The following WDR90 variants were observed in gnomAD, a reference collection of about 807,000 sequenced individuals.
The protein encoded by WDR90 is WD repeat-containing protein 90.
In WDR90, 238 loss-of-function variants were observed where a neutral mutation model predicts 195.2. The observed-to-expected ratio is 1.22, with a 90% confidence interval of 1.10 to 1.36. The LOEUF (loss-of-function observed/expected upper bound fraction) is 1.36. Among genes scored for constraint, WDR90 ranks in the 40% most tolerant of loss-of-function variants. WDR90 has a pLI of 0.00. For synonymous variants in WDR90, 1,265 were observed against 1,052.4 expected (o/e 1.20, Z -3.91); for missense variants, 2,734 against 2,439.5 (o/e 1.12, Z -2.54).
chr16:661,029 G>GT (rs2037898230), intron 28 of WDR90, 22 bp from the exon 29 acceptor site: 1 of 1,078,284 alleles, frequency 9.3e-7, no homozygotes, highest in Admixed American at 3.5e-5. Flanking sequence ...CCGGCCTCAG[G>GT]CCCCGCCCTC....
intron 2 of WDR90, 53 bp from the exon 3 acceptor site, chr16:649,938 C>T (rs1412952629): frequency 1.5e-5 from 24 of 1,606,106 alleles, no homozygotes; most frequent in Non-Finnish European, 2.0e-5. Flanking sequence ...CCCCCTCGCC[C>T]CCGCTGCACT....
At chr16:659,953 C>T (rs2037858760) in intron 26 of WDR90, 105 bp from the exon 27 acceptor site, 1 of 874,378 alleles carries the variant, frequency 1.1e-6, no homozygotes, top group African/African-American at 1.7e-5. Context: ...GTGCAGTTCT[C>T]ACTGTGTGGT....
rs776987486 is a variant in WDR90 at position 661,612 on chromosome 16, G to A, written c.3689G>A (p.Arg1230His). 28 of 1,591,244 alleles carry A rather than the reference G, an allele frequency of 1.8e-5. No individual in the cohort carries two copies. The highest frequency in any genetic ancestry group is 7.9e-5 in the South Asian group (7 of 88,754). ...LLVTLGDHDG[R>H]TLALWGTATY... ...TCCTTCCCAGGGGACCACGATGGCC[G>A]CACCCTCGCCCTGTGGGGCACGGCC... The change falls in exon 31 of 41, where the codon CGC becomes CAC. Residue 1230 changes from arginine (R) to histidine (H), a missense_variant. By Grantham distance (29) the Arg-to-His change is conservative. Transcript: ENST00000293879.
At chr16:649,914 C>T in intron 2 of WDR90, 60 bp downstream of exon 2, 2 of 1,595,716 alleles carry the variant, frequency 1.3e-6, no homozygotes, top group Non-Finnish European at 1.7e-6. Flanking sequence ...GGAGAGCTGC[C>T]CCGCCCCCGA....
intron 23 of WDR90, 102 bp from the exon 24 acceptor site, chr16:658,794 C>A: frequency 6.4e-7 from 1 of 1,555,790 alleles, no homozygotes; most frequent in Non-Finnish European, 8.7e-7. Flanking sequence ...TCTGTGCCTC[C>A]GGGGCCTCAC....
Position 650,105 on chromosome 16 carries a change from T to A in WDR90, c.217T>A (p.Tyr73Asn). ...QSLGLTGRYL[Y>N]VLFRPLPSKH... Reference sequence around the variant, plus strand: ...TCTGGGGCTGACGGGACGATACCTGTATGTGCTCTTTCGGCCCCTGCCCAG... The same window carrying A: ...TCTGGGGCTGACGGGACGATACCTGAATGTGCTCTTTCGGCCCCTGCCCAG... Residue 73 changes from tyrosine to asparagine, a missense_variant, in exon 3 of 41, where the codon TAT becomes AAT. By Grantham distance (143) the Tyr-to-Asn change is moderately radical. Coordinates refer to ENST00000293879, the MANE Select transcript of WDR90 (RefSeq NM_145294.5). 6.2e-7 allele frequency: 1 copy of A among 1,613,080 alleles called. No homozygotes were observed. Among genetic ancestry groups the A allele is most frequent in the Non-Finnish European group, 8.5e-7 (1 of 1,179,964 alleles).
rs192623284 is a variant in WDR90 at position 659,855 on chromosome 16, G to A, written c.3185-203G>A. ...GGTGCCGGTGCAGGGGCCTGAGGAC[G>A]GTCGGTGAGTCCCCCGTGTGACGAG... On this transcript the variant is annotated intron_variant, in intron 26 of 40. Coordinates refer to ENST00000293879, the MANE Select transcript of WDR90 (RefSeq NM_145294.5). 5.4e-4 allele frequency among the ~76,000 whole-genome samples: 82 copies of A among 152,320 alleles called. No homozygotes were observed. In the East Asian group the frequency reaches 0.016, roughly 29 times the overall value.
chr16:661,215 G>A (rs1049504792), intron 29 of WDR90, 43 bp downstream of exon 29: 3 of 1,518,736 alleles, frequency 2.0e-6, no homozygotes, highest in African/African-American at 1.4e-5. Context: ...GGGCCACCGT[G>A]CCCGGCAGAA....
rs376758120 is a variant in WDR90 at position 666,012 on chromosome 16, G to A, written c.4497G>A (p.Ala1499=). The change falls in exon 36 of 41, where the codon GCG becomes GCA. Residue 1499 remains alanine (A), a synonymous_variant. Transcript: ENST00000293879. ...GCCGCCCTGAGCAGCAGCGGCTAGC[G>A]GCTGGCTACGGTGACGGCTCCCTGC... ...CCGRPEQQRL[A]AGYGDGSLRI... 62 of 1,603,742 alleles carry A rather than the reference G, an allele frequency of 3.9e-5. No individual in the cohort carries two copies. Among genetic ancestry groups the A allele is most frequent in the Middle Eastern group, 1.6e-4 (1 of 6,078 alleles).
Position 660,616 on chromosome 16 carries a change from C to T in WDR90, c.3293C>T (p.Thr1098Ile), listed in dbSNP as rs1043773316. The change falls in exon 28 of 41, where the codon ACT (threonine) becomes ATT (isoleucine). Residue 1098 changes from threonine (T) to isoleucine (I), a missense_variant. Physicochemically the swap from Thr to Ile is moderately conservative, Grantham distance 89. Transcript: ENST00000293879. ...TCCGGGTCTCCTTCCTCGCAGGGCACTTGCCCGCCTCCCGCCAGCGGTGGG... is the reference window on the plus strand; with the variant it reads ...TCCGGGTCTCCTTCCTCGCAGGGCATTTGCCCGCCTCCCGCCAGCGGTGGG... ...VSCSPHSAKG[T>I]CPPPASGGWL... 13 of 1,564,990 alleles carry T rather than the reference C, an allele frequency of 8.3e-6. No homozygotes were observed. The highest frequency in any genetic ancestry group is 4.7e-5 in the South Asian group (4 of 85,104).
chr16:664,208 C>T (rs927725118), intron 34 of WDR90, among the ~76,000 whole-genome samples: 22 of 152,242 alleles, frequency 1.4e-4, no homozygotes, highest in South Asian at 4.1e-4. Context: ...AAACCCCGTG[C>T]GTGCCTGTTC....
Position 655,139 on chromosome 16 carries a change from T to A in WDR90, c.1548T>A (p.Asp516Glu). The change falls in exon 14 of 41, where the codon GAT becomes GAA. Residue 516 changes from aspartate (D) to glutamate (E), a missense_variant. Transcript: ENST00000293879. ...AGGCCTTCCGGGTCACCTTTTTTGA[T>A]GAAACCAGGTGATGCAGCCGCCCAT... Reference protein sequence around the residue: ...DVQAFRVTFFDETRMASCGQG... With the variant: ...DVQAFRVTFFEETRMASCGQG... 1 of 1,612,610 alleles carries A rather than the reference T, an allele frequency of 6.2e-7. No homozygotes were observed. The highest frequency in any genetic ancestry group is 8.5e-7 in the Non-Finnish European group (1 of 1,179,734).
At chr16:663,112 T>A in intron 34 of WDR90, 1 of 615,170 alleles carries the variant, frequency 1.6e-6, no homozygotes, top group Middle Eastern at 2.5e-4. Context: ...GTTTTTTTGT[T>A]TGTTTGTTTT....
At position 666,726 on chromosome 16, in the gene WDR90, G is replaced by A. The variant is rs1309500656; in HGVS notation, c.4938G>A (p.Ala1646=). 2.2e-5 allele frequency: 36 copies of A among 1,612,722 alleles called. No homozygotes were observed. Among genetic ancestry groups the A allele is most frequent in the Non-Finnish European group, 2.4e-5 (28 of 1,179,968 alleles). The change falls in exon 39 of 41, where the codon GCG becomes GCA. Residue 1646 remains alanine, a synonymous_variant. Transcript: ENST00000293879. ...SLAAFCPWDG[A]LLMYVGPGVY... ...CTGCCTTCTGCCCTTGGGATGGGGC[G>A]CTCCTGATGTACGTGGGCCCCGGTG...
In WDR90 at chr16:657,829, G is replaced by C; in HGVS notation, c.2541G>C (p.Leu847=). The C allele has an allele frequency of 3.8e-6, 6 of 1,578,272 alleles. No homozygotes were observed. The highest frequency in any genetic ancestry group is 5.2e-6 in the Non-Finnish European group (6 of 1,162,580). The change falls in exon 21 of 41, where the codon CTG becomes CTC. Residue 847 remains leucine (L), a synonymous_variant. Transcript: ENST00000293879. ...SALAVSRDGR[L]LAFVGPSRCT... is the part of the protein sequence containing the mutation. ...TGGCAGTCAGCAGGGATGGCCGCCT[G>C]CTGGCCTTTGTGGGACCCTCCAGGT...
intron 8 of WDR90, 27 bp downstream of exon 8, chr16:651,774 T>C: frequency 1.2e-6 from 2 of 1,612,508 alleles, no homozygotes; most frequent in Non-Finnish European, 1.7e-6. Context: ...CCCTATGAGA[T>C]GGGGTTGGGG....
rs746440229 is a variant in WDR90, at chr16:650,410, G to T, written c.388+48G>T. On this transcript the variant is annotated intron_variant, in intron 4 of 40. Transcript: ENST00000293879. ...ATGATCCAGGACAGGTGGCTGGAGG[G>T]AGTTGGTGCAGGCCCAGTGAGGCTC... 1.9e-6 allele frequency: 3 copies of T among 1,595,894 alleles called. No individual in the cohort carries two copies. The East Asian group carries it at 6.8e-5, about 36-fold the overall frequency.
rs1459009615 is a variant in WDR90, at chr16:661,792, C to T, written c.3864+5C>T. On this transcript the variant is annotated splice_donor_5th_base_variant and intron_variant, in intron 31 of 40. Transcript: ENST00000293879. ...GGGGCAGACATCAGCCTTCAGGTGC[C>T]ACCCGTTCAGCGTTTGGGCCCAGGG... 1.2e-5 allele frequency: 19 copies of T among 1,594,484 alleles called. No individual in the cohort carries two copies. Among genetic ancestry groups the T allele is most frequent in the Non-Finnish European group, 1.5e-5 (18 of 1,168,274 alleles).
In WDR90 at chr16:666,230, CCT is replaced by C; in HGVS notation, c.4625_4626del (p.Ser1542TrpfsTer23). On this transcript the variant is annotated frameshift_variant, in exon 37 of 41. Transcript: ENST00000293879. LOFTEE classifies it high-confidence loss of function. ...VAFSTDGQTV[L>X]SGDKDGLVAV... ...ACGGCATGGTCCCAGGTCAGACTGTCCTCTCTGGAGACAAGGATGGGCTCGTG... is the reference window on the plus strand; with the variant it reads ...ACGGCATGGTCCCAGGTCAGACTGTCCTCTGGAGACAAGGATGGGCTCGTG... The C allele has an allele frequency of 6.2e-7, 1 of 1,612,516 alleles. No homozygotes were observed. The highest frequency in any genetic ancestry group is 1.1e-5 in the South Asian group (1 of 91,090).
Sources: gnomAD v4.1 joint callset for allele counts (sites outside exome capture counted in the v4.1 genomes callset) on GRCh38, gnomAD v4.1.1 for gene constraint, MANE v1.5 for transcripts, NCBI Gene and HGNC (gene_info 2026-07-23, HGNC 2026-07-21) for gene names.